The following TP63 variants were observed in gnomAD, a reference collection of about 807,000 sequenced individuals.
The protein encoded by TP63 is tumor protein p63.
TP63 carries 17 observed loss-of-function variants against 82.8 expected under a neutral mutation model. The observed-to-expected ratio is 0.21, with a 90% confidence interval of 0.14 to 0.31. The LOEUF (loss-of-function observed/expected upper bound fraction) is 0.31. Ranked by LOEUF, TP63 falls within the 10% of genes least tolerant of loss-of-function variation. The probability of loss-of-function intolerance (pLI) is 1.00; values close to 1 mark genes in which losing one functional copy is unlikely to be tolerated. For synonymous variants in TP63, 330 were observed against 321.7 expected, an observed-to-expected ratio of 1.03 and a Z score of -0.28; for missense variants, 648 against 895.3, an observed-to-expected ratio of 0.72 and a Z score of 3.52.
At chr3:189,721,139 A>G (rs777891738) in intron 1 of TP63, among the ~76,000 whole-genome samples, 3 of 152,204 alleles carry the variant, frequency 2.0e-5, no homozygotes, top group Non-Finnish European at 4.4e-5. Context: ...GGAAGTTTGA[A>G]GAAGTCTTTG....
At chr3:189,766,119 T>C (rs1031348892) in intron 3 of TP63, among the ~76,000 whole-genome samples, 17 of 152,142 alleles carry the variant, frequency 1.1e-4, no homozygotes, top group African/African-American at 4.1e-4. Flanking sequence ...GAGGATCACT[T>C]GAACCCAGGA....
intron 4 of TP63, among the ~76,000 whole-genome samples, chr3:189,821,336 T>G (rs2108675206): frequency 6.6e-6 from 1 of 152,360 alleles, no homozygotes; most frequent in Non-Finnish European, 1.5e-5. Context: ...TTCACAGCGC[T>G]TAGATTTGAT....
Position 189,895,364 on chromosome 3 carries a change from C to T in TP63, c.*862C>T, listed in dbSNP as rs1401482235. ...ATGTATTTGAGCATATCAGTAACCC[C>T]CTTAAATTTAATACCAGATACCTTA... is the stretch of plus-strand genomic sequence containing the variant. On this transcript the variant is annotated 3_prime_UTR_variant, in exon 14 of 14. Coordinates refer to ENST00000264731, the MANE Select transcript of TP63 (RefSeq NM_003722.5). The T allele has an allele frequency of 9.2e-6, 2 of 217,394 alleles. No homozygotes were observed. Among genetic ancestry groups the T allele is most frequent in the South Asian group, 3.7e-4 (2 of 5,398 alleles). 13.5% of individuals were successfully genotyped at this position (217,394 alleles called of 1,614,324 possible).
intron 4 of TP63, among the ~76,000 whole-genome samples, chr3:189,816,944 T>G: frequency 6.6e-6 from 1 of 152,134 alleles, no homozygotes; most frequent in Non-Finnish European, 1.5e-5. Flanking sequence ...GGATTCTGAC[T>G]TTACAGATAG....
At chr3:189,655,794 T>A (rs1713301486) in intron 1 of TP63, among the ~76,000 whole-genome samples, 1 of 152,116 alleles carries the variant, frequency 6.6e-6, no homozygotes, top group African/African-American at 2.4e-5. Context: ...GACACTTCAG[T>A]CTTAGAAAAA....
intron 10 of TP63, among the ~76,000 whole-genome samples, chr3:189,876,695 T>G (rs541002793): frequency 6.6e-6 from 1 of 152,342 alleles, no homozygotes; most frequent in Admixed American, 6.5e-5. Flanking sequence ...CTCCAGTGAT[T>G]GATATGCATC....
At chr3:189,682,552 A>T (rs1157765960) in intron 1 of TP63, among the ~76,000 whole-genome samples, 67 of 24,032 alleles carry the variant, frequency 2.8e-3, no homozygotes, top group Non-Finnish European at 3.9e-3. Context: ...AAAAAAAAAA[A>T]AATATATATA....
intron 4 of TP63, among the ~76,000 whole-genome samples, chr3:189,857,729 A>C (rs1231883662): frequency 6.6e-6 from 1 of 152,218 alleles, no homozygotes; most frequent in Non-Finnish European, 1.5e-5. Context: ...ATTTGTCAAA[A>C]TAGGATAAGC....
chr3:189,785,435 A>G (rs761769917), intron 3 of TP63, among the ~76,000 whole-genome samples: 1 of 152,230 alleles, frequency 6.6e-6, no homozygotes, highest in South Asian at 2.1e-4. Context: ...TAAGTATACA[A>G]CTTTTTGCAT....
chr3:189,836,303 A>G (rs1269134310), intron 4 of TP63, among the ~76,000 whole-genome samples: 2 of 152,166 alleles, frequency 1.3e-5, no homozygotes, highest in Non-Finnish European at 2.9e-5. Flanking sequence ...AATGTACCCA[A>G]AGTGTTGGAG....
At chr3:189,826,722 A>G (rs1328131524) in intron 4 of TP63, among the ~76,000 whole-genome samples, 3 of 152,208 alleles carry the variant, frequency 2.0e-5, no homozygotes, top group Admixed American at 2.0e-4. Flanking sequence ...AAGAGGACGC[A>G]TAGCATGAGT....
At chr3:189,728,898 G>A (rs1450987295) in intron 1 of TP63, among the ~76,000 whole-genome samples, 4 of 152,136 alleles carry the variant, frequency 2.6e-5, no homozygotes, top group Non-Finnish European at 4.4e-5. Flanking sequence ...TACAATTCAA[G>A]GTGAGATTTG....
At chr3:189,614,865 G>A in the TP63 span, among the ~76,000 whole-genome samples, 2 of 152,162 alleles carry the variant, frequency 1.3e-5, no homozygotes, top group African/African-American at 4.8e-5. Flanking sequence ...ACTGGACACT[G>A]GAAAGTCAGC....
At chr3:189,711,327 G>T in intron 1 of TP63, among the ~76,000 whole-genome samples, 1 of 152,184 alleles carries the variant, frequency 6.6e-6, no homozygotes, top group East Asian at 1.9e-4. Flanking sequence ...GAGGGTTTCT[G>T]TGTACAAGGT....
chr3:189,788,088 T>G (rs1203535953), intron 3 of TP63, among the ~76,000 whole-genome samples: 3 of 151,756 alleles, frequency 2.0e-5, no homozygotes, highest in African/African-American at 4.8e-5. Flanking sequence ...AAGTAGGTTT[T>G]TTTTTTTTTG....
intron 3 of TP63, chr3:189,789,831 C>G: frequency 6.3e-7 from 1 of 1,596,502 alleles, no homozygotes; most frequent in Non-Finnish European, 8.5e-7. Context: ...TGCCCAGACT[C>G]AATTTAGTGA....
intron 4 of TP63, among the ~76,000 whole-genome samples, chr3:189,837,095 A>G (rs1266845210): frequency 1.3e-5 from 2 of 152,108 alleles, no homozygotes. Flanking sequence ...ATGCTTCCAA[A>G]TATATACTCT....
intron 1 of TP63, among the ~76,000 whole-genome samples, chr3:189,726,615 T>C (rs990791702): frequency 1.3e-5 from 2 of 152,030 alleles, no homozygotes; most frequent in African/African-American, 2.4e-5. Context: ...GTAAGAAAAA[T>C]ACATGAACAG....
intron 3 of TP63, among the ~76,000 whole-genome samples, chr3:189,791,398 ATGT>A (rs1406272698): frequency 2.6e-5 from 4 of 152,134 alleles, no homozygotes; most frequent in African/African-American, 9.6e-5. Flanking sequence ...AATTGCATTA[ATGT>A]TGTGATTAGA....
Sources: gnomAD v4.1 joint callset for allele counts (sites outside exome capture counted in the v4.1 genomes callset) on GRCh38, gnomAD v4.1.1 for gene constraint, MANE v1.5 for transcripts, NCBI Gene and HGNC (gene_info 2026-07-23, HGNC 2026-07-21) for gene names.